The following APBA1 variants were observed in gnomAD, a reference collection of about 807,000 sequenced individuals.
The protein encoded by APBA1 is amyloid-beta A4 precursor protein-binding family A member 1.
APBA1 carries 55 observed loss-of-function variants against 86.6 expected under a neutral mutation model. That is an observed-to-expected ratio of 0.64 (90% confidence interval 0.51 to 0.80). APBA1 has a LOEUF of 0.80. Among genes scored for constraint, APBA1 ranks in the 30% least tolerant of loss-of-function variants. APBA1 has a pLI of 0.00. For synonymous variants in APBA1, 511 were observed against 493.9 expected, an observed-to-expected ratio of 1.03 and a Z score of -0.46; for missense variants, 1,090 against 1,183.0, an observed-to-expected ratio of 0.92 and a Z score of 1.15.
At chr9:69,636,914 GGAAGGAAGGAAAGAAAGAAAGAAAGAAA>G (rs1416014505) in intron 1 of APBA1, among the ~76,000 whole-genome samples, 8 of 98,710 alleles carry the variant, frequency 8.1e-5, no homozygotes, top group African/African-American at 3.2e-4. Flanking sequence ...AAGGAAGGAA[GGAAGGAAGGAAAGAAAGAAAGAAAGAAA>G]GAAAGAAAGA....
At chr9:69,490,938 T>G (rs940075004) in intron 2 of APBA1, among the ~76,000 whole-genome samples, 2 of 152,018 alleles carry the variant, frequency 1.3e-5, no homozygotes, top group African/African-American at 4.8e-5. Flanking sequence ...TGGCGATCAC[T>G]AAAAAGTCAG....
intron 1 of APBA1, among the ~76,000 whole-genome samples, chr9:69,667,876 A>T (rs1823872343): frequency 6.6e-6 from 1 of 151,838 alleles, no homozygotes; most frequent in South Asian, 2.1e-4. Flanking sequence ...TACCACAAAG[A>T]CAATCAAGGA....
rs1334478624 is a variant in APBA1 at position 69,517,215 on chromosome 9, G to T, written c.-5C>A. 6.8e-7 allele frequency: 1 copy of T among 1,477,498 alleles called. No individual in the cohort carries two copies. The allele number at this position is 1,477,498 out of a possible 1,614,324, so 91.5% of individuals were successfully genotyped here. A position where few individuals can be genotyped will look rare whatever the true frequency, so the allele number is the denominator to read the frequency against. ...AGACCCCTCCAAGTGGTTCATGGTG[G>T]GAGTCGGAACGGCTAGGAGAGAAGC... On this transcript the variant is annotated 5_prime_UTR_variant, in exon 2 of 13. Transcript: ENST00000265381.
At chr9:69,552,913 T>A (rs1477852264) in intron 1 of APBA1, among the ~76,000 whole-genome samples, 5 of 151,280 alleles carry the variant, frequency 3.3e-5, no homozygotes, top group African/African-American at 9.7e-5. Context: ...TGGGCTTTTT[T>A]TTTTTTTTTT....
At chr9:69,574,264 A>G (rs1459717019) in intron 1 of APBA1, among the ~76,000 whole-genome samples, 1 of 152,162 alleles carries the variant, frequency 6.6e-6, no homozygotes, top group African/African-American at 2.4e-5. Context: ...ATTTTGAAAA[A>G]GTTCCCAGAA....
chr9:69,436,002 G>C (rs1834710634), intron 11 of APBA1, among the ~76,000 whole-genome samples: 1 of 151,982 alleles, frequency 6.6e-6, no homozygotes, highest in Non-Finnish European at 1.5e-5. Flanking sequence ...CATATGGCTA[G>C]CCAGTTTTCC....
intron 1 of APBA1, among the ~76,000 whole-genome samples, chr9:69,587,999 C>T (rs1051093687): frequency 7.4e-6 from 1 of 135,924 alleles, no homozygotes; most frequent in East Asian, 2.2e-4. Flanking sequence ...GTACTGCAGC[C>T]TGGGTGACAG....
intron 1 of APBA1, among the ~76,000 whole-genome samples, chr9:69,552,073 C>T (rs1474074247): frequency 6.6e-6 from 1 of 152,110 alleles, no homozygotes; most frequent in Admixed American, 6.6e-5. Context: ...GCAGTTCCTG[C>T]AGAAGTGTTG....
At chr9:69,613,373 A>G (rs1822629019) in intron 1 of APBA1, among the ~76,000 whole-genome samples, 1 of 152,062 alleles carries the variant, frequency 6.6e-6, no homozygotes, top group Non-Finnish European at 1.5e-5. Flanking sequence ...TAAGCCATTT[A>G]ATTTCCCTGG....
chr9:69,604,249 T>C (rs985254730), intron 1 of APBA1, among the ~76,000 whole-genome samples: 2 of 126,420 alleles, frequency 1.6e-5, no homozygotes, highest in African/African-American at 6.2e-5. Context: ...CATATGAGGG[T>C]AAGTGGAGAG....
At chr9:69,485,136 G>A (rs573943195) in intron 2 of APBA1, among the ~76,000 whole-genome samples, 2 of 151,948 alleles carry the variant, frequency 1.3e-5, no homozygotes, top group South Asian at 2.1e-4. Flanking sequence ...TTTTGAATTC[G>A]AGAAATAGTC....
At chr9:69,498,014 T>C (rs1239978599) in intron 2 of APBA1, among the ~76,000 whole-genome samples, 1 of 152,108 alleles carries the variant, frequency 6.6e-6, no homozygotes, top group African/African-American at 2.4e-5. Context: ...AGTTCTCAGA[T>C]GGCTCCCAAT....
intron 1 of APBA1, among the ~76,000 whole-genome samples, chr9:69,543,288 C>A (rs1053493209): frequency 2.9e-5 from 4 of 138,612 alleles, no homozygotes; most frequent in East Asian, 2.1e-4. Flanking sequence ...CCCCCCCCCC[C>A]CCCGGCCTGT....
At chr9:69,610,373 TTTG>T (rs1348080451) in intron 1 of APBA1, among the ~76,000 whole-genome samples, 9 of 152,046 alleles carry the variant, frequency 5.9e-5, no homozygotes, top group African/African-American at 1.7e-4. Flanking sequence ...TAAAAGTATT[TTTG>T]TTGTTGTTGT....
intron 8 of APBA1, among the ~76,000 whole-genome samples, chr9:69,455,991 T>C (rs1310487801): frequency 1.3e-5 from 2 of 152,174 alleles, no homozygotes; most frequent in African/African-American, 4.8e-5. Context: ...CCTGTTTTAT[T>C]TGTCTGTGGA....
chr9:69,643,283 T>C (rs545860368), intron 1 of APBA1, among the ~76,000 whole-genome samples: 1 of 152,308 alleles, frequency 6.6e-6, no homozygotes, highest in South Asian at 2.1e-4. Context: ...TCAGTAACTT[T>C]GCTGTCCTCA....
At chr9:69,465,531 G>A (rs1012748981) in intron 5 of APBA1, 1 of 152,262 alleles carries the variant, frequency 6.6e-6, no homozygotes, top group African/African-American at 2.4e-5. Context: ...AATTAAGATG[G>A]AGAAGACCTT....
intron 1 of APBA1, among the ~76,000 whole-genome samples, chr9:69,615,393 C>T (rs1041794660): frequency 2.0e-5 from 3 of 152,150 alleles, no homozygotes; most frequent in African/African-American, 7.2e-5. Context: ...AGAATTTTCT[C>T]TGTCTTTATA....
intron 1 of APBA1, among the ~76,000 whole-genome samples, chr9:69,663,454 T>G (rs1449423949): frequency 1.3e-5 from 2 of 152,220 alleles, no homozygotes; most frequent in Non-Finnish European, 2.9e-5. Flanking sequence ...TAAGTGGAAT[T>G]TCCTTAAATG....
Sources: gnomAD v4.1 joint callset for allele counts (sites outside exome capture counted in the v4.1 genomes callset) on GRCh38, gnomAD v4.1.1 for gene constraint, MANE v1.5 for transcripts, NCBI Gene and HGNC (gene_info 2026-07-23, HGNC 2026-07-21) for gene names.